POLI: variants seen among roughly 807,000 people sequenced by gnomAD.
POLI encodes the protein DNA polymerase iota, also known as RAD30 homolog B.
Under a neutral mutation model 51.6 loss-of-function variants are expected in POLI, and 58 were observed. The observed-to-expected ratio is 1.12, with a 90% CI of 0.91 to 1.40. The LOEUF is 1.40. Ranked by LOEUF, POLI falls within the 40% of genes most tolerant of loss-of-function variation. The pLI is 0.00. For missense variants in POLI, 921 were observed against 871.3 expected (o/e 1.06, Z -0.72); for synonymous variants, 322 against 299.7 (o/e 1.07, Z -0.77).
Position 54,283,952 on chromosome 18 carries a change from T to A in POLI, c.1006T>A (p.Cys336Ser). ...TAGTGAAGAAGATTCATTTAAAAAA[T>A]GTTCATCTGAAGTTGAAGCTAAAAA... is the stretch of plus-strand genomic sequence containing the variant. Reference protein sequence around the residue: ...SFSEEDSFKKCSSEVEAKNKI... With the variant: ...SFSEEDSFKKSSSEVEAKNKI... Residue 336 changes from cysteine to serine, a missense_variant, in exon 7 of 10, where the codon TGT becomes AGT. By Grantham distance (112) the Cys-to-Ser change is moderately radical (BLOSUM62 -1). Coordinates refer to ENST00000579534, the MANE Select transcript of POLI (RefSeq NM_007195.3). 6.9e-7 allele frequency: 1 copy of A among 1,448,428 alleles called. No individual in the cohort carries two copies. The highest frequency in any genetic ancestry group is 9.6e-7 in the Non-Finnish European group (1 of 1,038,248). 89.7% of individuals were successfully genotyped at this position (1,448,428 alleles called of 1,614,324 possible).
intron 5 of POLI, 117 bp downstream of exon 5, chr18:54,281,020 A>ATG (rs759422961): frequency 2.2e-4 from 129 of 592,804 alleles, no homozygotes; most frequent in African/African-American, 3.0e-4. Flanking sequence ...GTTTGTGTGC[A>ATG]TGTGTGTGTG....
At chr18:54,313,727 G>A (rs1458950568) in intron 3 of POLI, among the ~76,000 whole-genome samples, 1 of 152,122 alleles carries the variant, frequency 6.6e-6, no homozygotes, top group African/African-American at 2.4e-5. Context: ...TTGTGAATGG[G>A]ATTGTGTTCT....
intron 2 of POLI, 32 bp downstream of exon 2, chr18:54,271,517 A>G (rs1415238110): frequency 4.2e-6 from 6 of 1,417,298 alleles, no homozygotes; most frequent in South Asian, 2.5e-5. Flanking sequence ...TTTTAATTGC[A>G]TAATGATTAG....
In POLI at chr18:54,291,985, T is replaced by G. The variant is rs1599237150; in HGVS notation, c.1351T>G (p.Tyr451Asp). The change falls in exon 9 of 10, where the codon TAT becomes GAT. Residue 451 changes from tyrosine to aspartate, a missense_variant. Tyr to Asp is a radical substitution (Grantham distance 160). Transcript: ENST00000579534. ...LNTAKKGLIDYYLMPSLSTTS... is the reference protein window; with the variant it reads ...LNTAKKGLIDDYLMPSLSTTS... ...TACTGCTAAGAAAGGGCTTATTGAT[T>G]ATTATTTAATGCCATCATTATCAAC... is the stretch of plus-strand genomic sequence containing the variant. The G allele has an allele frequency of 6.2e-7, 1 of 1,611,446 alleles. No individual in the cohort carries two copies. Among genetic ancestry groups the G allele is most frequent in the Non-Finnish European group, 8.5e-7 (1 of 1,178,428 alleles).
At chr18:54,312,749 T>G (rs979638674) in intron 3 of POLI, among the ~76,000 whole-genome samples, 3 of 152,216 alleles carry the variant, frequency 2.0e-5, no homozygotes, top group Non-Finnish European at 4.4e-5. Context: ...TGCTTGTATG[T>G]CTTCTTTTGA....
chr18:54,310,949 G>T (rs1218930524), intron 3 of POLI: 3 of 164,432 alleles, frequency 1.8e-5, no homozygotes, highest in South Asian at 2.0e-4. Flanking sequence ...GTAGAGATGG[G>T]ATCTCGTTAT....
intron 3 of POLI, among the ~76,000 whole-genome samples, chr18:54,276,993 G>A (rs1329302158): frequency 6.6e-6 from 1 of 152,124 alleles, no homozygotes; most frequent in Non-Finnish European, 1.5e-5. Flanking sequence ...TGATTTTAAA[G>A]TTATTAGTCT....
At chr18:54,270,087 G>C in intron 1 of POLI, 1 of 971,704 alleles carries the variant, frequency 1.0e-6, no homozygotes, top group Non-Finnish European at 1.2e-6. Context: ...CCTAGGCGGA[G>C]TCAGGTCCGC....
At chr18:54,291,760 T>G in intron 8 of POLI, 73 bp from the exon 9 acceptor site, 2 of 697,576 alleles carry the variant, frequency 2.9e-6, no homozygotes, top group Non-Finnish European at 4.7e-6. Context: ...TTTAATTTCT[T>G]AATCTCAGCA....
chr18:54,281,754 T>A lies in POLI; in HGVS notation c.796+851T>A, dbSNP rs567682177. On this transcript the variant is annotated intron_variant, in intron 5 of 9. Coordinates refer to ENST00000579534, the MANE Select transcript of POLI (RefSeq NM_007195.3). ...CTTTCGAGTTCTTGTATCTTTTTTT[T>A]TTTTTTTTAACAGGCTTTCTCCTTT... Among the ~76,000 whole-genome samples the A allele has an allele frequency of 1.6e-3, 238 of 152,066 alleles. 2 individuals carry two copies. In the Middle Eastern group the frequency reaches 0.017, roughly 11 times the overall value.
At chr18:54,288,374 T>A (rs2144561484) in intron 8 of POLI, among the ~76,000 whole-genome samples, 1 of 152,276 alleles carries the variant, frequency 6.6e-6, no homozygotes. Context: ...TTTAGGTCCA[T>A]TTTGAGTTAA....
chr18:54,296,716 A>G lies in POLI; in HGVS notation c.*2249A>G, dbSNP rs536754036. 1 of 194,782 alleles carries G rather than the reference A, an allele frequency of 5.1e-6. No homozygotes were observed. Among genetic ancestry groups the G allele is most frequent in the South Asian group, 1.8e-4 (1 of 5,582 alleles). 12.1% of individuals were successfully genotyped at this position (194,782 alleles called of 1,614,324 possible). A position where few individuals can be genotyped will look rare whatever the true frequency, so the allele number is the denominator to read the frequency against. ...TTTCATCAGCTCTATCTTTCTGTTT[A>G]CTAGTTCATTTTTCAGTAGCATCTC... is the stretch of plus-strand genomic sequence containing the variant. On this transcript the variant is annotated 3_prime_UTR_variant, in exon 10 of 10. Transcript: ENST00000579534.
intron 3 of POLI, among the ~76,000 whole-genome samples, chr18:54,310,583 C>T (rs902840521): frequency 2.6e-5 from 4 of 151,648 alleles, no homozygotes; most frequent in African/African-American, 9.7e-5. Context: ...GAGTGTTACA[C>T]TTTTGATACA....
rs1482538786 is a variant in POLI, at chr18:54,280,767, C to G, written c.660C>G (p.Gly220=). Residue 220 remains glycine (G), a synonymous_variant, in exon 5 of 10, where the codon GGC becomes GGG. Coordinates refer to ENST00000579534, the MANE Select transcript of POLI (RefSeq NM_007195.3). ...EAMYNQLGLT[G]CAGVASNKLL... ...TGTATAATCAGTTGGGGCTCACTGGCTGTGCTGGAGTGGCTTCTAATAAAC... is the reference window on the plus strand; with the variant it reads ...TGTATAATCAGTTGGGGCTCACTGGGTGTGCTGGAGTGGCTTCTAATAAAC... 6.2e-7 allele frequency: 1 copy of G among 1,613,606 alleles called. No individual in the cohort carries two copies. Among genetic ancestry groups the G allele is most frequent in the Non-Finnish European group, 8.5e-7 (1 of 1,179,574 alleles).
At chr18:54,313,102 A>C (rs2088690005) in intron 3 of POLI, among the ~76,000 whole-genome samples, 1 of 152,156 alleles carries the variant, frequency 6.6e-6, no homozygotes, top group Non-Finnish European at 1.5e-5. Flanking sequence ...ATTTAAGTCT[A>C]ATCCATCTTG....
intron 3 of POLI, among the ~76,000 whole-genome samples, chr18:54,308,420 T>A (rs1184412080): frequency 3.3e-5 from 5 of 152,236 alleles, no homozygotes; most frequent in Non-Finnish European, 5.9e-5. Flanking sequence ...CCCACTCTCT[T>A]CTGGCTTGTA....
chr18:54,314,415 A>G (rs2088706360), intron 3 of POLI, among the ~76,000 whole-genome samples: 1 of 152,158 alleles, frequency 6.6e-6, no homozygotes, highest in Non-Finnish European at 1.5e-5. Flanking sequence ...TTCATCAGCA[A>G]TATTGGCCTG....
intron 4 of POLI, 35 bp from the exon 5 acceptor site, chr18:54,280,632 C>G: frequency 7.1e-7 from 1 of 1,413,072 alleles, no homozygotes; most frequent in Non-Finnish European, 1.0e-6. Flanking sequence ...AAAGGTTTTT[C>G]TTGTGACTTT....
chr18:54,292,110 T>TC (rs2088047863), intron 9 of POLI, 72 bp downstream of exon 9: 1 of 903,764 alleles, frequency 1.1e-6, no homozygotes, highest in Non-Finnish European at 1.7e-6. Context: ...ATTACAAATC[T>TC]AAGTGCTTGT....
Sources: gnomAD v4.1 joint callset for allele counts (sites outside exome capture counted in the v4.1 genomes callset) on GRCh38, gnomAD v4.1.1 for gene constraint, MANE v1.5 for transcripts, NCBI Gene and HGNC (gene_info 2026-07-23, HGNC 2026-07-21) for gene names.